SULT2B1: variants seen among roughly 807,000 people sequenced by gnomAD.
SULT2B1 encodes sulfotransferase family 2B member 1.
Under a neutral mutation model 33.2 loss-of-function variants are expected in SULT2B1, and 16 were observed. That is an observed-to-expected ratio of 0.48 (90% CI 0.33 to 0.73). The LOEUF is 0.73. SULT2B1 is among the 30% of genes least tolerant of loss of function. SULT2B1 has a pLI of 0.02. For missense variants in SULT2B1, 500 were observed against 506.0 expected (o/e 0.99, Z 0.11); for synonymous variants, 186 against 200.5 (o/e 0.93, Z 0.61).
chr19:48,591,575 C>T (rs369121763), intron 3 of SULT2B1, 34 bp from the exon 4 acceptor site: 27 of 1,592,396 alleles, frequency 1.7e-5, no homozygotes, highest in East Asian at 1.1e-4. Context: ...CTGTGTCTGA[C>T]GCCTTCTCCC....
intron 6 of SULT2B1, among the ~76,000 whole-genome samples, chr19:48,597,654 C>CTTTTTTT (rs372246428): frequency 4.0e-5 from 5 of 124,202 alleles, no homozygotes; most frequent in Non-Finnish European, 4.8e-5. Context: ...TTTCTTTTTT[C>CTTTTTTT]TTTTTTGAGA....
Position 48,599,187 on chromosome 19 carries a change from C to G in SULT2B1, c.879C>G (p.Phe293Leu). 2 of 1,602,378 alleles carry G rather than the reference C, an allele frequency of 1.2e-6. No individual in the cohort carries two copies. The highest frequency in any genetic ancestry group is 1.7e-6 in the Non-Finnish European group (2 of 1,176,882). Reference protein sequence around the residue: ...NHFTVAQSEAFDRAYRKQMRG... With the variant: ...NHFTVAQSEALDRAYRKQMRG... Reference sequence around the variant, plus strand: ...TCACGGTGGCCCAGAGCGAAGCCTTCGATCGTGCCTACCGCAAGCAGATGC... The same window carrying G: ...TCACGGTGGCCCAGAGCGAAGCCTTGGATCGTGCCTACCGCAAGCAGATGC... The change falls in exon 7 of 7, where the codon TTC becomes TTG. Residue 293 changes from phenylalanine (F) to leucine (L), a missense_variant. Transcript: ENST00000201586. The surrounding 1 kb of genome is among the most constrained non-coding windows in gnomAD (Gnocchi z 4.1).
At chr19:48,569,584 G>C (rs1176776083) in intron 1 of SULT2B1, among the ~76,000 whole-genome samples, 1 of 151,006 alleles carries the variant, frequency 6.6e-6, no homozygotes, top group Non-Finnish European at 1.5e-5. Context: ...GGCTGGTCTT[G>C]AACTCCTGGC....
At chr19:48,592,961 A>G (rs919476395) in intron 5 of SULT2B1, 145 bp downstream of exon 5, 11 of 698,530 alleles carry the variant, frequency 1.6e-5, no homozygotes, top group African/African-American at 1.2e-4. Flanking sequence ...AACAGAACAG[A>G]GGCCCTGAGC....
At position 48,552,219 on chromosome 19, in the gene SULT2B1, C is replaced by A. The variant is rs1480285007; in HGVS notation, c.-34C>A. On this transcript the variant is annotated 5_prime_UTR_variant, in exon 1 of 7. Coordinates refer to ENST00000201586, the MANE Select transcript of SULT2B1 (RefSeq NM_177973.2). The surrounding 1 kb of genome is among the most constrained non-coding windows in gnomAD (Gnocchi z 4.8). ...TGGCCTCTGTGCCGCCTGCTCCCTG[C>A]TCGTCCTCCCCTCCCCACCCTCACC... is the stretch of plus-strand genomic sequence containing the variant. 20 of 1,608,650 alleles carry A rather than the reference C, an allele frequency of 1.2e-5. No homozygotes were observed. Among genetic ancestry groups the A allele is most frequent in the Non-Finnish European group, 1.7e-5 (20 of 1,176,538 alleles).
At chr19:48,588,515 A>G (rs923268951) in intron 3 of SULT2B1, among the ~76,000 whole-genome samples, 1 of 149,320 alleles carries the variant, frequency 6.7e-6, no homozygotes, top group African/African-American at 2.5e-5. Flanking sequence ...TCCGTCTCAA[A>G]AAAAAAACCC....
intron 2 of SULT2B1, among the ~76,000 whole-genome samples, chr19:48,576,655 T>G (rs981454224): frequency 6.7e-6 from 1 of 148,320 alleles, no homozygotes; most frequent in Non-Finnish European, 1.5e-5. Context: ...TTTTTTTTTT[T>G]TTTTTTGGAG....
At chr19:48,554,726 C>A (rs112483176) in intron 1 of SULT2B1, among the ~76,000 whole-genome samples, 1 of 129,240 alleles carries the variant, frequency 7.7e-6, no homozygotes, top group Admixed American at 9.4e-5. Flanking sequence ...CACAGTGGAA[C>A]GATCTCGGCT....
At chr19:48,586,229 A>G (rs147491460) in intron 2 of SULT2B1, among the ~76,000 whole-genome samples, 1,677 of 152,288 alleles carry the variant, frequency 0.011, 27 homozygotes, top group African/African-American at 0.038. Flanking sequence ...CCCCAAAAAA[A>G]TAAATAAGTA....
At chr19:48,569,668 G>T (rs1973295237) in intron 1 of SULT2B1, among the ~76,000 whole-genome samples, 1 of 150,186 alleles carries the variant, frequency 6.7e-6, no homozygotes. Flanking sequence ...CTGGCCTCAA[G>T]ATTGGTTTTT....
At chr19:48,594,641 G>C (rs1441686927) in intron 5 of SULT2B1, among the ~76,000 whole-genome samples, 1 of 152,216 alleles carries the variant, frequency 6.6e-6, no homozygotes, top group Non-Finnish European at 1.5e-5. Flanking sequence ...GGAAGGTTAT[G>C]AAACCAGGAG....
chr19:48,559,568 G>A (rs1056245142), intron 1 of SULT2B1, among the ~76,000 whole-genome samples: 5 of 152,070 alleles, frequency 3.3e-5, no homozygotes, highest in Non-Finnish European at 7.4e-5. Context: ...ACAGGGTTTC[G>A]CCATGCTGGC....
intron 2 of SULT2B1, among the ~76,000 whole-genome samples, chr19:48,582,277 T>C (rs1027798023): frequency 4.6e-5 from 7 of 152,122 alleles, no homozygotes; most frequent in Non-Finnish European, 7.3e-5. Context: ...AACAAATAAG[T>C]TTCTGGTTTT....
intron 3 of SULT2B1, among the ~76,000 whole-genome samples, chr19:48,590,495 G>A (rs974293075): frequency 1.3e-5 from 2 of 151,952 alleles, no homozygotes; most frequent in Non-Finnish European, 2.9e-5. Flanking sequence ...CCAGCTACTC[G>A]GGAGGCTGAG....
rs1365098349 is a variant in SULT2B1, at chr19:48,569,135, G to A, written c.72-6806G>A. Among the ~76,000 whole-genome samples, 3 of 152,052 alleles carry A rather than the reference G, an allele frequency of 2.0e-5. No individual in the cohort carries two copies. The East Asian group carries it at 5.9e-4, about 30-fold the overall frequency. On this transcript the variant is annotated intron_variant, in intron 1 of 6. Transcript: ENST00000201586. Reference sequence around the variant, plus strand: ...AGGCAGGCAGATCACAAGGTCAGGAGATCGAGACCATCCTGGGTAACATGG... The same window carrying A: ...AGGCAGGCAGATCACAAGGTCAGGAAATCGAGACCATCCTGGGTAACATGG...
chr19:48,568,862 C>T (rs1237838925), intron 1 of SULT2B1, among the ~76,000 whole-genome samples: 1 of 149,558 alleles, frequency 6.7e-6, no homozygotes, highest in Non-Finnish European at 1.5e-5. Flanking sequence ...CACTCAGGCC[C>T]CAGAATCCCA....
intron 1 of SULT2B1, among the ~76,000 whole-genome samples, chr19:48,558,775 C>A (rs1359330840): frequency 6.7e-6 from 1 of 150,054 alleles, no homozygotes; most frequent in African/African-American, 2.4e-5. Context: ...ACAGCCGCCT[C>A]CGGGGTTCAA....
At chr19:48,575,748 T>C (rs1973396575) in intron 1 of SULT2B1, 193 bp from the exon 2 acceptor site, 3 of 978,682 alleles carry the variant, frequency 3.1e-6, no homozygotes. Context: ...CCCAAAGTGC[T>C]GGGATTACAG....
At position 48,552,306 on chromosome 19, in the gene SULT2B1, T is replaced by C. The variant is rs762430020; in HGVS notation, c.54T>C (p.Asp18=). 3.1e-6 allele frequency: 5 copies of C among 1,613,826 alleles called. No individual in the cohort carries two copies. Among genetic ancestry groups the C allele is most frequent in the Non-Finnish European group, 4.2e-6 (5 of 1,179,916 alleles). The change falls in exon 1 of 7, where the codon GAT becomes GAC. Residue 18 remains aspartate, a synonymous_variant. Transcript: ENST00000201586. This position sits in a 1 kb window ranked among gnomAD's most constrained non-coding sequence, Gnocchi z 4.8. ...QIPGLWDTYE[D]DISEISQKLP... ...CGGGCTTGTGGGACACCTATGAAGA[T>C]GACATCTCGGAAATCAGGTGAGGCC...
Sources: gnomAD v4.1 joint callset for allele counts (sites outside exome capture counted in the v4.1 genomes callset) on GRCh38, gnomAD v4.1.1 for gene constraint, Gnocchi (gnomAD v3.1) non-coding constraint, MANE v1.5 for transcripts, NCBI Gene and HGNC (gene_info 2026-07-23, HGNC 2026-07-21) for gene names.